HDAC9: variants seen among roughly 807,000 people sequenced by gnomAD.
The protein encoded by HDAC9 is MEF-2 interacting transcription repressor (MITR) protein.
In HDAC9, 41 loss-of-function variants were observed where a neutral mutation model predicts 139.4. The observed-to-expected ratio is 0.29, with a 90% CI of 0.23 to 0.38. The LOEUF (loss-of-function observed/expected upper bound fraction) is 0.38, where lower values mean the gene tolerates loss of function less well. Among genes scored for constraint, HDAC9 ranks in the 10% least tolerant of loss-of-function variants. HDAC9 has a pLI of 1.00. For missense variants in HDAC9, 1,147 were observed against 1,297.0 expected, an observed-to-expected ratio of 0.88 and a Z score of 1.78; for synonymous variants, 517 against 476.2, an observed-to-expected ratio of 1.09 and a Z score of -1.12.
Position 18,284,288 on chromosome 7 carries a change from G to A in HDAC9, c.25+121939G>A, listed in dbSNP as rs1305938033. Reference sequence around the variant, plus strand: ...ACAACACACATATGCACACACATATGTATATATTTTTTCATCAAACATTAG... The same window carrying A: ...ACAACACACATATGCACACACATATATATATATTTTTTCATCAAACATTAG... On this transcript the variant is annotated intron_variant, in intron 2 of 12. Coordinates refer to the HDAC9 transcript ENST00000417496. Among the ~76,000 whole-genome samples the A allele has an allele frequency of 5.9e-5, 9 of 152,210 alleles. No individual in the cohort carries two copies. In the South Asian group the frequency reaches 1.9e-3, roughly 32 times the overall value.
intron 3 of HDAC9, among the ~76,000 whole-genome samples, chr7:18,586,849 G>T (rs1583725223): frequency 6.6e-6 from 1 of 152,056 alleles, no homozygotes; most frequent in Admixed American, 6.5e-5. Context: ...TTTGAAGTAT[G>T]GGTAGCCTTT....
intron 17 of HDAC9, among the ~76,000 whole-genome samples, chr7:18,810,757 T>C (rs893877670): frequency 6.6e-6 from 1 of 151,932 alleles, no homozygotes; most frequent in Admixed American, 6.6e-5. Context: ...TTTATATAAA[T>C]GGCAGTATAG....
At position 18,835,769 on chromosome 7, in the gene HDAC9, G is replaced by A. The variant is rs1354355403; in HGVS notation, c.2587-131G>A. On this transcript the variant is annotated intron_variant, in intron 20 of 25. Coordinates refer to ENST00000686413, the MANE Select transcript of HDAC9 (RefSeq NM_178425.4). ...ATAACCCAGAGCACTGTTTGTCAGG[G>A]AAGGTTGGGCTGATTTGATGTGTTG... 3.0e-6 allele frequency: 3 copies of A among 1,007,544 alleles called. No homozygotes were observed. In the Admixed American group the frequency reaches 6.3e-5, roughly 21 times the overall value. 62.4% of individuals were successfully genotyped at this position (1,007,544 alleles called of 1,614,324 possible).
At chr7:18,503,264 T>A (rs2128162065) in intron 2 of HDAC9, among the ~76,000 whole-genome samples, 1 of 152,294 alleles carries the variant, frequency 6.6e-6, no homozygotes, top group South Asian at 2.1e-4. Context: ...GTGGTGTCCT[T>A]CCTGTTGGCA....
At chr7:18,386,117 C>G (rs554091135) in intron 1 of HDAC9, among the ~76,000 whole-genome samples, 5 of 152,282 alleles carry the variant, frequency 3.3e-5, no homozygotes, top group Admixed American at 3.3e-4. Context: ...GAAAGCCATT[C>G]AGGCTCAGCT....
At chr7:18,609,457 A>T (rs997760085) in intron 6 of HDAC9, among the ~76,000 whole-genome samples, 2 of 152,224 alleles carry the variant, frequency 1.3e-5, no homozygotes, top group Non-Finnish European at 2.9e-5. Flanking sequence ...TGGCATAAGC[A>T]TCATGGTGAA....
chr7:18,717,541 C>T (rs1321770266), intron 12 of HDAC9, among the ~76,000 whole-genome samples: 1 of 151,498 alleles, frequency 6.6e-6, no homozygotes, highest in Non-Finnish European at 1.5e-5. Context: ...AAGTGATTCT[C>T]CTGCCTCAGC....
chr7:18,490,927 C>T (rs1019464787), upstream of HDAC9, among the ~76,000 whole-genome samples: 3 of 151,808 alleles, frequency 2.0e-5, no homozygotes, highest in Non-Finnish European at 4.4e-5. Context: ...AGCACAAATT[C>T]GGTATTTGAG....
chr7:18,732,948 C>CGT (rs1322276005), intron 13 of HDAC9, among the ~76,000 whole-genome samples: 20 of 116,788 alleles, frequency 1.7e-4, no homozygotes, highest in Middle Eastern at 4.9e-3. Flanking sequence ...TGTATACACA[C>CGT]GTGTATGTGT....
intron 7 of HDAC9, 66 bp from the exon 8 acceptor site, chr7:18,634,561 A>G (rs1233086488): frequency 9.7e-6 from 9 of 932,174 alleles, no homozygotes; most frequent in East Asian, 8.3e-5. Context: ...GTTACATGTT[A>G]CAGTAACTAA....
At chr7:18,645,253 GA>G (rs1787012375) in intron 9 of HDAC9, among the ~76,000 whole-genome samples, 1 of 152,100 alleles carries the variant, frequency 6.6e-6, no homozygotes, top group Non-Finnish European at 1.5e-5. Context: ...TATGTTTATA[GA>G]ATTTATTTTG....
intron 2 of HDAC9, among the ~76,000 whole-genome samples, chr7:18,236,246 C>G (rs758244455): frequency 6.6e-6 from 1 of 152,086 alleles, no homozygotes; most frequent in Non-Finnish European, 1.5e-5. Context: ...TCCTTGGGTC[C>G]CCACCTCAGA....
At chr7:18,294,048 CT>C (rs1301571805) in intron 1 of HDAC9, among the ~76,000 whole-genome samples, 1 of 152,004 alleles carries the variant, frequency 6.6e-6, no homozygotes. Flanking sequence ...TTCATTTGTT[CT>C]TTTGTCCATT....
intron 2 of HDAC9, 66 bp from the exon 3 acceptor site, chr7:18,585,215 A>G (rs1417072798): frequency 8.4e-6 from 13 of 1,547,224 alleles, no homozygotes; most frequent in South Asian, 8.3e-5. Flanking sequence ...TTCCAAATCA[A>G]TGTGCTAATT....
intron 1 of HDAC9, among the ~76,000 whole-genome samples, chr7:18,325,896 A>G (rs1316226798): frequency 1.3e-5 from 2 of 152,108 alleles, no homozygotes; most frequent in African/African-American, 2.4e-5. Flanking sequence ...AGGCTATACC[A>G]GATAGCCAAG....
intron 1 of HDAC9, among the ~76,000 whole-genome samples, chr7:18,479,123 A>G (rs1795347626): frequency 6.6e-6 from 1 of 152,058 alleles, no homozygotes; most frequent in Non-Finnish European, 1.5e-5. Flanking sequence ...TTATTATATC[A>G]TGTTTATCAA....
At chr7:18,822,411 A>T (rs1795053488) in intron 17 of HDAC9, among the ~76,000 whole-genome samples, 1 of 152,114 alleles carries the variant, frequency 6.6e-6, no homozygotes, top group South Asian at 2.1e-4. Flanking sequence ...CTGGGGTGCA[A>T]TGGGGCGATC....
chr7:18,611,054 A>G (rs1447816346), intron 6 of HDAC9, among the ~76,000 whole-genome samples: 2 of 152,206 alleles, frequency 1.3e-5, no homozygotes, highest in African/African-American at 2.4e-5. Flanking sequence ...ATAATAGGTG[A>G]TCATGTAAGA....
At chr7:18,702,149 G>T (rs945958255) in intron 12 of HDAC9, among the ~76,000 whole-genome samples, 3 of 152,170 alleles carry the variant, frequency 2.0e-5, no homozygotes, top group African/African-American at 7.2e-5. Flanking sequence ...CCGTGAAAAG[G>T]GACAGGCTGT....
Sources: allele counts gnomAD v4.1 joint callset (sites outside exome capture counted in the v4.1 genomes callset), GRCh38; gene constraint gnomAD v4.1.1; transcripts MANE v1.5; gene names NCBI Gene and HGNC (gene_info 2026-07-23, HGNC 2026-07-21).